The following GRM1 variants were observed in gnomAD, a reference collection of about 807,000 sequenced individuals.
GRM1 encodes the protein glutamate metabotropic receptor 1.
In GRM1, 33 loss-of-function variants were observed where a neutral mutation model predicts 90.9. The observed-to-expected ratio is 0.36, with a 90% CI of 0.28 to 0.49. The LOEUF (loss-of-function observed/expected upper bound fraction) is 0.49. Among genes scored for constraint, GRM1 ranks in the 20% least tolerant of loss-of-function variants. The pLI is 0.99. For missense variants in GRM1, 1,190 were observed against 1,534.3 expected, an observed-to-expected ratio of 0.78 and a Z score of 3.75; for synonymous variants, 700 against 613.2, an observed-to-expected ratio of 1.14 and a Z score of -2.09.
intron 1 of GRM1, among the ~76,000 whole-genome samples, chr6:146,104,825 A>G (rs966610454): frequency 1.3e-5 from 2 of 152,250 alleles, no homozygotes; most frequent in African/African-American, 4.8e-5. Context: ...GCAACGTGAT[A>G]TTGAGTGAGA....
intron 2 of GRM1, among the ~76,000 whole-genome samples, chr6:146,216,479 A>G (rs9497491): frequency 6.6e-6 from 1 of 152,178 alleles, no homozygotes; most frequent in Non-Finnish European, 1.5e-5. Context: ...CTACATTGTC[A>G]TCTTCTTTTG....
intron 3 of GRM1, among the ~76,000 whole-genome samples, chr6:146,325,939 A>C (rs1311957795): frequency 6.6e-6 from 1 of 152,156 alleles, no homozygotes; most frequent in Non-Finnish European, 1.5e-5. Context: ...TCATATAGAA[A>C]ATTAGTTTTG....
intron 2 of GRM1, among the ~76,000 whole-genome samples, chr6:146,176,353 T>C (rs948675204): frequency 6.6e-6 from 1 of 152,140 alleles, no homozygotes; most frequent in African/African-American, 2.4e-5. Context: ...TCATGATGTG[T>C]TATAATTGCT....
intron 5 of GRM1, among the ~76,000 whole-genome samples, chr6:146,376,134 TAAAC>T (rs1167459940): frequency 2.0e-5 from 3 of 152,260 alleles, no homozygotes; most frequent in African/African-American, 4.8e-5. Flanking sequence ...ACTGTTTCAA[TAAAC>T]AAACAAAAAA....
chr6:146,302,644 G>A (rs1783431779), intron 2 of GRM1, among the ~76,000 whole-genome samples: 1 of 151,602 alleles, frequency 6.6e-6, no homozygotes, highest in East Asian at 1.9e-4. Context: ...ACCTCCCTTG[G>A]CCTCCCAAAG....
chr6:146,066,301 T>A (rs1243615932), intron 1 of GRM1, among the ~76,000 whole-genome samples: 1 of 152,234 alleles, frequency 6.6e-6, no homozygotes, highest in East Asian at 1.9e-4. Flanking sequence ...AGCTCCCATT[T>A]ATAAGTGAGA....
chr6:146,398,716 T>C, intron 6 of GRM1, 53 bp from the exon 7 acceptor site: 1 of 1,209,726 alleles, frequency 8.3e-7, no homozygotes, highest in Non-Finnish European at 1.2e-6. Context: ...AGGCAAGTTG[T>C]TATTCCTAGC....
chr6:146,241,063 C>T (rs1445136153), intron 2 of GRM1, among the ~76,000 whole-genome samples: 1 of 152,148 alleles, frequency 6.6e-6, no homozygotes, highest in Non-Finnish European at 1.5e-5. Flanking sequence ...CCTGCCTCAG[C>T]AGCTGCCGGA....
At chr6:146,176,577 AC>A (rs1443244989) in intron 2 of GRM1, among the ~76,000 whole-genome samples, 2 of 152,102 alleles carry the variant, frequency 1.3e-5, no homozygotes, top group African/African-American at 4.8e-5. Context: ...TCAAGAGTTC[AC>A]TTGGCTCTGT....
intron 1 of GRM1, among the ~76,000 whole-genome samples, chr6:146,115,874 ATT>A (rs1775724296): frequency 6.6e-6 from 1 of 152,022 alleles, no homozygotes; most frequent in Non-Finnish European, 1.5e-5. Context: ...AATGACATTG[ATT>A]TTCCTTTGAT....
In GRM1 at chr6:146,087,393, G is replaced by C. The variant is rs144999460; in HGVS notation, c.700+57176G>C. 1.6e-4 allele frequency among the ~76,000 whole-genome samples: 24 copies of C among 152,102 alleles called. No individual in the cohort carries two copies. In the East Asian group the frequency reaches 4.1e-3, roughly 26 times the overall value. On this transcript the variant is annotated intron_variant, in intron 1 of 7. Transcript: ENST00000282753. ...AAACCAGGAAACTAACATTGGCGTT[G>C]GTAAAATCCATAGACATTATTCAGA...
intron 4 of GRM1, among the ~76,000 whole-genome samples, chr6:146,356,533 G>C (rs1013577129): frequency 6.6e-6 from 1 of 152,096 alleles, no homozygotes; most frequent in Non-Finnish European, 1.5e-5. Flanking sequence ...TCACCTTGGG[G>C]GTTAGGATTT....
At chr6:146,313,258 T>C (rs1783837130) in intron 3 of GRM1, among the ~76,000 whole-genome samples, 3 of 152,222 alleles carry the variant, frequency 2.0e-5, no homozygotes, top group Admixed American at 1.3e-4. Flanking sequence ...ACTTTAGTTA[T>C]TACTAGAATT....
chr6:146,111,552 C>G (rs978841035), intron 1 of GRM1, among the ~76,000 whole-genome samples: 2 of 152,204 alleles, frequency 1.3e-5, no homozygotes, highest in Non-Finnish European at 2.9e-5. Context: ...TAGAAGGCCT[C>G]TCTTTGAGGA....
chr6:146,350,274 A>G (rs1450109052), intron 3 of GRM1, among the ~76,000 whole-genome samples: 1 of 152,220 alleles, frequency 6.6e-6, no homozygotes, highest in African/African-American at 2.4e-5. Context: ...GAGCAAACTC[A>G]GTGTCCATAA....
At chr6:146,137,521 A>G (rs995501643) in intron 1 of GRM1, among the ~76,000 whole-genome samples, 1 of 152,146 alleles carries the variant, frequency 6.6e-6, no homozygotes, top group Non-Finnish European at 1.5e-5. Flanking sequence ...ACATTGGTCT[A>G]TGTGTCTGTT....
chr6:146,383,480 C>A (rs1776392055), intron 5 of GRM1, among the ~76,000 whole-genome samples: 3 of 152,018 alleles, frequency 2.0e-5, no homozygotes, highest in African/African-American at 7.2e-5. Flanking sequence ...TCAATTTTTT[C>A]TCATATCATT....
At chr6:146,090,703 T>G (rs1776688062) in intron 1 of GRM1, among the ~76,000 whole-genome samples, 1 of 151,974 alleles carries the variant, frequency 6.6e-6, no homozygotes, top group South Asian at 2.1e-4. Flanking sequence ...CAGTTAAAAA[T>G]CAGCCACACA....
At chr6:146,410,325 C>A (rs1053428669) in intron 7 of GRM1, among the ~76,000 whole-genome samples, 2 of 152,098 alleles carry the variant, frequency 1.3e-5, no homozygotes, top group African/African-American at 4.8e-5. Context: ...AAGAAAATAG[C>A]ACAGTCTGTG....
Sources: allele counts gnomAD v4.1 joint callset (sites outside exome capture counted in the v4.1 genomes callset), GRCh38; gene constraint gnomAD v4.1.1; transcripts MANE v1.5; gene names NCBI Gene and HGNC (gene_info 2026-07-23, HGNC 2026-07-21).